The following UNC13C variants were observed in gnomAD, a reference collection of about 807,000 sequenced individuals.
UNC13C encodes unc-13 homolog C.
In UNC13C, 174 loss-of-function variants were observed where a neutral mutation model predicts 245.4. That is an observed-to-expected ratio of 0.71 (90% CI 0.63 to 0.80). The LOEUF is 0.80. Among genes scored for constraint, UNC13C ranks in the 30% least tolerant of loss-of-function variants. The probability of loss-of-function intolerance (pLI) is 0.00; values close to 1 mark genes in which losing one functional copy is unlikely to be tolerated. For missense variants in UNC13C, 2,829 were observed against 2,602.9 expected (o/e 1.09, Z -1.89); for synonymous variants, 992 against 895.1 (o/e 1.11, Z -1.93).
At chr15:53,849,875 A>G in the UNC13C span, among the ~76,000 whole-genome samples, 1 of 152,190 alleles carries the variant, frequency 6.6e-6, no homozygotes, top group Non-Finnish European at 1.5e-5. Flanking sequence ...TATGCTACAC[A>G]TACATATGTG....
At chr15:54,530,476 C>T (rs1178632122) in intron 25 of UNC13C, among the ~76,000 whole-genome samples, 1 of 152,174 alleles carries the variant, frequency 6.6e-6, no homozygotes, top group African/African-American at 2.4e-5. Flanking sequence ...AAAATTCCTG[C>T]TCTCATGGGG....
intron 4 of UNC13C, among the ~76,000 whole-genome samples, chr15:54,205,847 T>C (rs2034691099): frequency 6.6e-6 from 1 of 152,044 alleles, no homozygotes; most frequent in African/African-American, 2.4e-5. Flanking sequence ...TCTACAAAAC[T>C]GGTTACCTGT....
intron 1 of UNC13C, among the ~76,000 whole-genome samples, chr15:53,979,929 G>A (rs1357268239): frequency 6.6e-6 from 1 of 152,118 alleles, no homozygotes; most frequent in African/African-American, 2.4e-5. Flanking sequence ...ATGTGCATAT[G>A]TCTATATTAA....
intron 19 of UNC13C, among the ~76,000 whole-genome samples, chr15:54,449,667 G>C (rs1440478994): frequency 6.6e-6 from 1 of 152,056 alleles, no homozygotes; most frequent in African/African-American, 2.4e-5. Flanking sequence ...ATTCTAGTTA[G>C]CCATTCGACT....
At chr15:54,596,082 G>C (rs1238767376) in intron 30 of UNC13C, among the ~76,000 whole-genome samples, 1 of 152,094 alleles carries the variant, frequency 6.6e-6, no homozygotes, top group Non-Finnish European at 1.5e-5. Context: ...GGTATTTTTG[G>C]TCCAAAACCC....
intron 2 of UNC13C, among the ~76,000 whole-genome samples, chr15:54,060,202 T>A (rs1384496097): frequency 2.0e-5 from 3 of 152,056 alleles, no homozygotes; most frequent in Non-Finnish European, 4.4e-5. Context: ...GGGAGAGAAT[T>A]TTTGCAACCT....
rs1320417003 is a variant in UNC13C at position 54,237,641 on chromosome 15, G to A, written c.3179G>A (p.Gly1060Glu). ...VAMTLAARKS[G>E]LSLAMVIRTS... is the part of the protein sequence containing the mutation. ...TAGACCCTGGCTGCCCGGAAATCTG[G>A]ACTCTCCCTGGCTATGGTGATTAGG... The change falls in exon 7 of 33, where the codon GGA becomes GAA. Residue 1060 changes from glycine (G) to glutamate (E), a missense_variant. Physicochemically the swap from Gly to Glu is moderately conservative, Grantham distance 98 (BLOSUM62 -2). Coordinates refer to ENST00000260323, the MANE Select transcript of UNC13C (RefSeq NM_001080534.3). The A allele has an allele frequency of 6.2e-7, 1 of 1,612,438 alleles. No homozygotes were observed. The highest frequency in any genetic ancestry group is 1.7e-5 in the Admixed American group (1 of 59,886).
the UNC13C span, among the ~76,000 whole-genome samples, chr15:53,846,325 G>A: frequency 3.3e-5 from 5 of 152,180 alleles, no homozygotes; most frequent in African/African-American, 1.2e-4. Flanking sequence ...TATGCGATTG[G>A]TAATAATCTT....
rs372932752 is a variant in UNC13C, at chr15:54,626,995, C to T, written c.6527C>T (p.Ser2176Phe). Residue 2176 changes from serine (S) to phenylalanine (F), a missense_variant, in exon 33 of 33, where the codon TCT (serine) becomes TTT (phenylalanine). Ser to Phe is a radical substitution (Grantham distance 155). Transcript: ENST00000260323. ...GAWYPLLKNI[S>F]MDETGLTILR... ...TGGTATCCTCTTCTGAAAAATATCT[C>T]TATGGATGAAACTGGTTTGACTATC... 27 of 1,613,296 alleles carry T rather than the reference C, an allele frequency of 1.7e-5. No individual in the cohort carries two copies. The highest frequency in any genetic ancestry group is 2.1e-5 in the Non-Finnish European group (25 of 1,179,608).
chr15:53,889,147 G>T, the UNC13C span, among the ~76,000 whole-genome samples: 1 of 152,036 alleles, frequency 6.6e-6, no homozygotes, highest in Non-Finnish European at 1.5e-5. Flanking sequence ...TGGGCAGTTT[G>T]GCCACTTTCA....
the UNC13C span, among the ~76,000 whole-genome samples, chr15:53,916,930 A>T: frequency 6.6e-6 from 1 of 152,194 alleles, no homozygotes; most frequent in Non-Finnish European, 1.5e-5. Context: ...GGTCGTTTAC[A>T]GATTATACTC....
At chr15:54,536,603 C>T (rs1895992185) in intron 26 of UNC13C, among the ~76,000 whole-genome samples, 1 of 151,804 alleles carries the variant, frequency 6.6e-6, no homozygotes, top group Non-Finnish European at 1.5e-5. Flanking sequence ...ACAGATCAAA[C>T]CAAGCAGCAT....
chr15:54,419,467 A>G (rs1002594543), intron 19 of UNC13C, among the ~76,000 whole-genome samples: 81 of 152,278 alleles, frequency 5.3e-4, no homozygotes, highest in African/African-American at 1.9e-3. Flanking sequence ...CTATTATACT[A>G]TGGTGAACTT....
chr15:54,274,667 C>CTTTATTTTTTTTT (rs752387489), intron 10 of UNC13C, among the ~76,000 whole-genome samples: 1 of 91,604 alleles, frequency 1.1e-5, no homozygotes, highest in Non-Finnish European at 2.0e-5. Flanking sequence ...ATAAAGTAGA[C>CTTTATTTTTTTTT]TTTTTTTTTT....
At chr15:54,289,438 C>A (rs913844654) in intron 10 of UNC13C, among the ~76,000 whole-genome samples, 1 of 152,022 alleles carries the variant, frequency 6.6e-6, no homozygotes, top group East Asian at 1.9e-4. Context: ...CTTTCTAGCC[C>A]GAGGTGATTA....
the UNC13C span, among the ~76,000 whole-genome samples, chr15:53,950,940 G>A: frequency 5.3e-5 from 8 of 152,106 alleles, no homozygotes; most frequent in Non-Finnish European, 1.2e-4. Context: ...ATTACAAAGC[G>A]AAATGTAATA....
In UNC13C at chr15:54,388,372, C is replaced by T. The variant is rs139570426; in HGVS notation, c.4714-4676C>T. Among the ~76,000 whole-genome samples the T allele has an allele frequency of 2.5e-3, 381 of 152,238 alleles. 6 individuals are homozygous for T. In the East Asian group the frequency reaches 0.034, roughly 14 times the overall value. ...CTGGAGAAAACTCATAATAGTCCAG[C>T]GTAGTGTCACTACAAGTTCAGAGAT... On this transcript the variant is annotated intron_variant, in intron 17 of 32. Coordinates refer to ENST00000260323, the MANE Select transcript of UNC13C (RefSeq NM_001080534.3).
intron 13 of UNC13C, among the ~76,000 whole-genome samples, chr15:54,307,870 T>A (rs2037768037): frequency 6.6e-6 from 1 of 151,946 alleles, no homozygotes. Context: ...TGAGTCATCT[T>A]TAGTGACGAG....
chr15:54,320,201 G>A (rs1009568312), intron 13 of UNC13C, among the ~76,000 whole-genome samples: 1 of 151,906 alleles, frequency 6.6e-6, no homozygotes, highest in African/African-American at 2.4e-5. Context: ...GCATACAAAT[G>A]CAAAACAACA....
Sources: gnomAD v4.1 joint callset for allele counts (sites outside exome capture counted in the v4.1 genomes callset) on GRCh38, gnomAD v4.1.1 for gene constraint, MANE v1.5 for transcripts, NCBI Gene and HGNC (gene_info 2026-07-23, HGNC 2026-07-21) for gene names.